The following DHX34 variants were observed in gnomAD, a reference collection of about 807,000 sequenced individuals.
DHX34 encodes the protein DExH-box helicase 34.
Under a neutral mutation model 111.1 loss-of-function variants are expected in DHX34, and 96 were observed. The ratio of observed to expected loss-of-function variants is 0.86; its 90% CI spans 0.73 to 1.02. The LOEUF (loss-of-function observed/expected upper bound fraction) is 1.02, where lower values mean the gene tolerates loss of function less well. DHX34 is among the 50% of genes least tolerant of loss of function. The probability of loss-of-function intolerance (pLI) is 0.00; values close to 1 mark genes in which losing one functional copy is unlikely to be tolerated. For synonymous variants in DHX34, 688 were observed against 670.4 expected (o/e 1.03, Z -0.41); for missense variants, 1,560 against 1,579.9 (o/e 0.99, Z 0.21).
Position 47,381,638 on chromosome 19 carries a change from G to A in DHX34, c.3298+314G>A, listed in dbSNP as rs1032886732. 7 of 584,464 alleles carry A rather than the reference G, an allele frequency of 1.2e-5. No homozygotes were observed. The African/African-American group carries it at 1.3e-4, about 11-fold the overall frequency. 36.2% of individuals were successfully genotyped at this position (584,464 alleles called of 1,614,324 possible). A position where few individuals can be genotyped will look rare whatever the true frequency, so the allele number is the denominator to read the frequency against. Reference sequence around the variant, plus strand: ...CTGTCCTGCAGCTATCTCTGCCTTGGTCACCTCCACCCTGTTGTCACCCAG... The same window carrying A: ...CTGTCCTGCAGCTATCTCTGCCTTGATCACCTCCACCCTGTTGTCACCCAG... On this transcript the variant is annotated intron_variant, in intron 16 of 16. Transcript: ENST00000328771.
intron 13 of DHX34, among the ~76,000 whole-genome samples, chr19:47,377,454 G>T (rs1280252813): frequency 1.3e-5 from 2 of 152,234 alleles, no homozygotes; most frequent in Non-Finnish European, 2.9e-5. Context: ...AGGGAACCAG[G>T]CATGAAGCCC....
intron 7 of DHX34, among the ~76,000 whole-genome samples, chr19:47,369,258 C>T (rs897280860): frequency 1.2e-4 from 19 of 152,260 alleles, no homozygotes; most frequent in Middle Eastern, 6.8e-3. Flanking sequence ...AGTGTTCTGC[C>T]TGCCTCCCAA....
intron 6 of DHX34, among the ~76,000 whole-genome samples, chr19:47,366,325 G>T (rs532145895): frequency 3.6e-4 from 55 of 152,146 alleles, no homozygotes; most frequent in Non-Finnish European, 7.3e-4. Flanking sequence ...CTGTGGCCCA[G>T]GCTGGAGTGC....
At chr19:47,374,524 G>A (rs1022516667) in intron 9 of DHX34, among the ~76,000 whole-genome samples, 4 of 151,966 alleles carry the variant, frequency 2.6e-5, no homozygotes, top group African/African-American at 7.3e-5. Flanking sequence ...CCATCTGAGT[G>A]CAGACAGACC....
intron 11 of DHX34, 48 bp downstream of exon 11, chr19:47,376,145 A>T (rs1380170318): frequency 1.3e-6 from 2 of 1,519,540 alleles, no homozygotes. Context: ...CAACACACGA[A>T]CCCTGAGTGC....
Position 47,372,917 on chromosome 19 carries a change from G to T in DHX34, c.1956G>T (p.Trp652Cys). ...PFTLFNVFNAWVQVKSERSRN... is the reference protein window; with the variant it reads ...PFTLFNVFNACVQVKSERSRN... ...CGCTCTTCAACGTCTTCAACGCCTGGGTGCAGGTGAGGCTGGTGGTGGGGG... is the reference window on the plus strand; with the variant it reads ...CGCTCTTCAACGTCTTCAACGCCTGTGTGCAGGTGAGGCTGGTGGTGGGGG... Residue 652 changes from tryptophan to cysteine, a missense_variant, in exon 8 of 17, where the codon TGG becomes TGT. By Grantham distance (215) the Trp-to-Cys change is radical. Coordinates refer to ENST00000328771, the MANE Select transcript of DHX34 (RefSeq NM_014681.6). 6.3e-7 allele frequency: 1 copy of T among 1,596,288 alleles called. No individual in the cohort carries two copies. Among genetic ancestry groups the T allele is most frequent in the East Asian group, 2.2e-5 (1 of 44,662 alleles).
chr19:47,358,493 G>A (rs1969529206), intron 4 of DHX34, among the ~76,000 whole-genome samples: 1 of 149,684 alleles, frequency 6.7e-6, no homozygotes, highest in South Asian at 2.1e-4. Context: ...TTGCTCTGTT[G>A]TCCAGGCTGG....
chr19:47,365,168 G>A (rs1161647556), intron 6 of DHX34, among the ~76,000 whole-genome samples: 1 of 151,954 alleles, frequency 6.6e-6, no homozygotes, highest in Non-Finnish European at 1.5e-5. Flanking sequence ...AACACCTGGA[G>A]AATTTAAAAA....
chr19:47,366,763 G>A (rs547262382), intron 6 of DHX34: 509 of 790,108 alleles, frequency 6.4e-4, no homozygotes, highest in Non-Finnish European at 7.6e-4. Flanking sequence ...TAGTAGAGAC[G>A]GGGTTTCACC....
chr19:47,378,763 G>A (rs968419753), intron 13 of DHX34, among the ~76,000 whole-genome samples: 9 of 152,074 alleles, frequency 5.9e-5, no homozygotes, highest in South Asian at 2.1e-4. Context: ...TTGAGCCTGG[G>A]AGATTGAGGC....
chr19:47,353,040 C>T lies in DHX34; in HGVS notation c.10C>T (p.Pro4Ser), dbSNP rs866687510. MPPPRTREGRDRRD... is the reference protein window; with the variant it reads MPPSRTREGRDRRD... ...ATTGTGGATTAGTAACATGCCTCCT[C>T]CTAGAACAAGGGAGGGCAGGGATCG... Residue 4 changes from proline to serine, a missense_variant, in exon 2 of 17, where the codon CCT (proline) becomes TCT (serine). By Grantham distance (74) the Pro-to-Ser change is moderately conservative. Coordinates refer to ENST00000328771, the MANE Select transcript of DHX34 (RefSeq NM_014681.6). The surrounding 1 kb of genome is among the most constrained non-coding windows in gnomAD (Gnocchi z 4.6). 1 of 1,611,436 alleles carries T rather than the reference C, an allele frequency of 6.2e-7. No individual in the cohort carries two copies. The highest frequency in any genetic ancestry group is 8.5e-7 in the Non-Finnish European group (1 of 1,177,836).
Position 47,360,046 on chromosome 19 carries a change from G to T in DHX34, c.1351G>T (p.Gly451Trp). ...TGCTGAGACCTCAGTCACCATTGAC[G>T]GGATCCGCTTCGTAGTAGATTCCGG... The part of the protein sequence containing the change: ...NIAETSVTID[G>W]IRFVVDSGKV... The change falls in exon 5 of 17, where the codon GGG becomes TGG. Residue 451 changes from glycine to tryptophan, a missense_variant. By Grantham distance (184) the Gly-to-Trp change is radical. Coordinates refer to ENST00000328771, the MANE Select transcript of DHX34 (RefSeq NM_014681.6). 6.2e-7 allele frequency: 1 copy of T among 1,613,934 alleles called. No homozygotes were observed. Among genetic ancestry groups the T allele is most frequent in the African/African-American group, 1.3e-5 (1 of 74,992 alleles).
intron 15 of DHX34, 27 bp from the exon 16 acceptor site, chr19:47,381,159 C>G (rs1465839261): frequency 6.2e-7 from 1 of 1,611,260 alleles, no homozygotes; most frequent in Non-Finnish European, 8.5e-7. Flanking sequence ...TGGCGGGGGC[C>G]CAGCCCTGAC....
chr19:47,351,047 A>G (rs1395627500), intron 1 of DHX34, among the ~76,000 whole-genome samples: 3 of 152,168 alleles, frequency 2.0e-5, no homozygotes, highest in Admixed American at 6.6e-5. Context: ...TACAGAAACT[A>G]GAAGATGCAG....
chr19:47,358,057 C>T lies in DHX34; in HGVS notation c.1209C>T (p.Ser403=), dbSNP rs985435104. 1 of 1,613,296 alleles carries T rather than the reference C, an allele frequency of 6.2e-7. No individual in the cohort carries two copies. The highest frequency in any genetic ancestry group is 8.5e-7 in the Non-Finnish European group (1 of 1,179,946). Residue 403 remains serine (S), a synonymous_variant, in exon 4 of 17, where the codon AGC becomes AGT. Transcript: ENST00000328771. ...TGGAGGCTGCCCAGACCTATGCCAG[C>T]CACACCCAGCGCTGGGTGGTACTGC... ...AVLEAAQTYA[S]HTQRWVVLPL... is the part of the protein sequence containing the mutation.
chr19:47,372,587 A>C (rs1029337944), intron 7 of DHX34, 143 bp from the exon 8 acceptor site: 1 of 1,406,742 alleles, frequency 7.1e-7, no homozygotes, highest in African/African-American at 1.5e-5. Context: ...TTGAATCTCC[A>C]TCTGGGTCAC....
chr19:47,350,093 A>G (rs1463681321), intron 1 of DHX34, among the ~76,000 whole-genome samples: 5 of 152,170 alleles, frequency 3.3e-5, no homozygotes, highest in African/African-American at 1.2e-4. Context: ...TCATGCAGAT[A>G]GGATAGGTCT....
intron 3 of DHX34, 110 bp downstream of exon 3, chr19:47,355,460 A>G: frequency 1.4e-6 from 2 of 1,465,646 alleles, no homozygotes; most frequent in Non-Finnish European, 9.2e-7. Flanking sequence ...TTTCATTTAA[A>G]GATGTTCTCT....
At position 47,375,859 on chromosome 19, in the gene DHX34, G is replaced by T. The variant is rs1016591528; in HGVS notation, c.2308-65G>T. Reference sequence around the variant, plus strand: ...TCCCAGGTATCTGCAGAGCCTGGGGGTCTGCGGATCATGGTAGGAGCCCCT... The same window carrying T: ...TCCCAGGTATCTGCAGAGCCTGGGGTTCTGCGGATCATGGTAGGAGCCCCT... On this transcript the variant is annotated intron_variant, in intron 10 of 16. Transcript: ENST00000328771. 5 of 1,543,246 alleles carry T rather than the reference G, an allele frequency of 3.2e-6. No individual in the cohort carries two copies. The African/African-American group carries it at 7.0e-5, about 22-fold the overall frequency.
Sources: gnomAD v4.1 joint callset for allele counts (sites outside exome capture counted in the v4.1 genomes callset) on GRCh38, gnomAD v4.1.1 for gene constraint, Gnocchi (gnomAD v3.1) non-coding constraint, MANE v1.5 for transcripts, NCBI Gene and HGNC (gene_info 2026-07-23, HGNC 2026-07-21) for gene names.